Variants in EDN1 observed in about 807,000 individuals in gnomAD.
The protein encoded by EDN1 is endothelin 1, also known as endothelin-1.
Under a neutral mutation model 21.7 loss-of-function variants are expected in EDN1, and 11 were observed. That is an observed-to-expected ratio of 0.51 (90% confidence interval 0.32 to 0.84). The LOEUF (loss-of-function observed/expected upper bound fraction) is 0.84, where lower values mean the gene tolerates loss of function less well. Ranked by LOEUF, EDN1 falls within the 40% of genes least tolerant of loss-of-function variation. The pLI is 0.03. For synonymous variants in EDN1, 85 were observed against 90.6 expected, an observed-to-expected ratio of 0.94 and a Z score of 0.35; for missense variants, 244 against 262.3, an observed-to-expected ratio of 0.93 and a Z score of 0.48.
the EDN1 span, among the ~76,000 whole-genome samples, chr6:12,249,602 T>C: frequency 6.6e-6 from 1 of 151,242 alleles, no homozygotes; most frequent in South Asian, 2.1e-4. Context: ...GCAACACAGC[T>C]CCATTGTAAA....
chr6:12,264,192 A>T, the EDN1 span, among the ~76,000 whole-genome samples: 1 of 152,200 alleles, frequency 6.6e-6, no homozygotes, highest in Non-Finnish European at 1.5e-5. Flanking sequence ...AAGAGAAGAA[A>T]TCCAGGCACC....
At chr6:12,293,212 C>T (rs1369376307) in intron 2 of EDN1, among the ~76,000 whole-genome samples, 4 of 152,190 alleles carry the variant, frequency 2.6e-5, no homozygotes, top group African/African-American at 4.8e-5. Flanking sequence ...ATACAATGTA[C>T]CGTTATGACA....
At chr6:12,243,020 A>G in the EDN1 span, among the ~76,000 whole-genome samples, 1 of 152,170 alleles carries the variant, frequency 6.6e-6, no homozygotes, top group African/African-American at 2.4e-5. Flanking sequence ...CTTGCAGTCA[A>G]AAATCCACAG....
the EDN1 span, among the ~76,000 whole-genome samples, chr6:12,263,964 C>T: frequency 6.6e-6 from 1 of 152,078 alleles, no homozygotes; most frequent in Non-Finnish European, 1.5e-5. Context: ...TATTTTGAAC[C>T]TCACTGAAAT....
At chr6:12,280,859 C>T in the EDN1 span, among the ~76,000 whole-genome samples, 6 of 152,176 alleles carry the variant, frequency 3.9e-5, no homozygotes, top group Non-Finnish European at 8.8e-5. Context: ...TGCCACTGCA[C>T]TCCAGCCTGG....
chr6:12,278,700 C>T, the EDN1 span, among the ~76,000 whole-genome samples: 2 of 152,108 alleles, frequency 1.3e-5, no homozygotes, highest in Non-Finnish European at 2.9e-5. Context: ...GAGACCTGAC[C>T]AGCCTGGTCA....
rs1041556753 is a variant in EDN1, at chr6:12,294,089, G to C, written c.382G>C (p.Glu128Gln). 14 of 1,614,012 alleles carry C rather than the reference G, an allele frequency of 8.7e-6. 1 individual carries two copies. Among genetic ancestry groups the C allele is most frequent in the African/African-American group, 6.7e-5 (5 of 74,918 alleles). The stretch of plus-strand genomic sequence containing the variant: ...CTGGAATTTTTGCCAAGCAGGAAAA[G>C]AACTCAGGTGAGCAGAAACACCTTT... ...KCWNFCQAGK[E>Q]LRAEDIMEKD... The change falls in exon 3 of 5, where the codon GAA (glutamate) becomes CAA (glutamine). Residue 128 changes from glutamate (E) to glutamine (Q), a missense_variant. By Grantham distance (29) the Glu-to-Gln change is conservative. Coordinates refer to ENST00000379375, the MANE Select transcript of EDN1 (RefSeq NM_001955.5).
At chr6:12,275,802 C>CGTGTGTGT in the EDN1 span, among the ~76,000 whole-genome samples, 911 of 147,232 alleles carry the variant, frequency 6.2e-3, 10 homozygotes, top group African/African-American at 0.018. Flanking sequence ...TTGGGGGCAC[C>CGTGTGTGT]GTGTGTGTGT....
At chr6:12,254,717 A>G in the EDN1 span, among the ~76,000 whole-genome samples, 1 of 152,220 alleles carries the variant, frequency 6.6e-6, no homozygotes, top group Non-Finnish European at 1.5e-5. Flanking sequence ...TTTGAAAGAA[A>G]ACATGCACAT....
At chr6:12,291,160 C>G (rs1762670288) in intron 1 of EDN1, among the ~76,000 whole-genome samples, 1 of 151,736 alleles carries the variant, frequency 6.6e-6, no homozygotes. Context: ...GTCGTTCAAG[C>G]AATGTATGTT....
chr6:12,289,138 G>A (rs1447591885), upstream of EDN1, among the ~76,000 whole-genome samples: 5 of 152,176 alleles, frequency 3.3e-5, no homozygotes, highest in Non-Finnish European at 4.4e-5. Flanking sequence ...GTACTTCAGG[G>A]GGGGATTTCA....
the EDN1 span, among the ~76,000 whole-genome samples, chr6:12,231,026 CTG>C: frequency 2.0e-5 from 3 of 152,128 alleles, no homozygotes; most frequent in African/African-American, 7.2e-5. Context: ...AGTTCTCTCC[CTG>C]TGAAAAATGA....
At chr6:12,290,321 G>C, upstream of EDN1, 1 of 425,622 alleles carries the variant, frequency 2.3e-6, no homozygotes, top group Non-Finnish European at 4.4e-6. Context: ...CACTCTAATA[G>C]GGGTTCAATA....
the EDN1 span, among the ~76,000 whole-genome samples, chr6:12,284,619 AAG>A: frequency 1.3e-5 from 2 of 151,182 alleles, no homozygotes; most frequent in African/African-American, 4.8e-5. Context: ...AAAGGAAAGA[AAG>A]AGAGAAAGAA....
the EDN1 span, among the ~76,000 whole-genome samples, chr6:12,251,380 G>A: frequency 6.6e-6 from 1 of 152,174 alleles, no homozygotes; most frequent in Non-Finnish European, 1.5e-5. Flanking sequence ...GTGAATCAAT[G>A]TGAATGATAT....
chr6:12,268,743 T>C, the EDN1 span, among the ~76,000 whole-genome samples: 3 of 152,196 alleles, frequency 2.0e-5, no homozygotes, highest in African/African-American at 7.2e-5. Flanking sequence ...TGAAGTCAGG[T>C]AGTGTGATGC....
chr6:12,260,637 G>C, the EDN1 span, among the ~76,000 whole-genome samples: 1 of 152,002 alleles, frequency 6.6e-6, no homozygotes, highest in African/African-American at 2.4e-5. Context: ...ATTGTTCCCT[G>C]CGAAACTCAC....
the EDN1 span, among the ~76,000 whole-genome samples, chr6:12,272,776 T>C: frequency 6.6e-6 from 1 of 152,166 alleles, no homozygotes; most frequent in Non-Finnish European, 1.5e-5. Context: ...TGAGTCATAC[T>C]CTTTAAGGAA....
Position 12,296,195 on chromosome 6 carries a change from G to GCGTC in EDN1, c.*130_*133dup. 2.4e-6 allele frequency: 2 copies of GCGTC among 838,930 alleles called. No individual in the cohort carries two copies. The highest frequency in any genetic ancestry group is 3.7e-5 in the Admixed American group (2 of 54,280). 52.0% of individuals were successfully genotyped at this position (838,930 alleles called of 1,614,324 possible). A position where few individuals can be genotyped will look rare whatever the true frequency, so the allele number is the denominator to read the frequency against. ...CTGGTTCCTGACTGGCAAAGGACCA[G>GCGTC]CGTCCTCGTTCAAAACATTCCAAGA... is the stretch of plus-strand genomic sequence containing the variant. On this transcript the variant is annotated 3_prime_UTR_variant, in exon 5 of 5. Transcript: ENST00000379375.
Sources: gnomAD v4.1 joint callset for allele counts (sites outside exome capture counted in the v4.1 genomes callset) on GRCh38, gnomAD v4.1.1 for gene constraint, MANE v1.5 for transcripts, NCBI Gene and HGNC (gene_info 2026-07-23, HGNC 2026-07-21) for gene names.